Variants in CA12 observed in about 807,000 individuals in gnomAD.
CA12 encodes carbonic anhydrase 12, also known as carbonate dehydratase XII.
A neutral mutation model predicts 46.8 loss-of-function variants in CA12; 36 were observed. The observed-to-expected ratio is 0.77, with a 90% CI of 0.59 to 1.02. CA12 has a LOEUF of 1.02. Ranked by LOEUF, CA12 falls within the 50% of genes least tolerant of loss-of-function variation. CA12 has a pLI of 0.00. For missense variants in CA12, 436 were observed against 451.4 expected, an observed-to-expected ratio of 0.97 and a Z score of 0.31; for synonymous variants, 202 against 187.0, an observed-to-expected ratio of 1.08 and a Z score of -0.65.
chr15:63,332,516 C>A (rs1442038239), intron 8 of CA12, among the ~76,000 whole-genome samples: 1 of 152,218 alleles, frequency 6.6e-6, no homozygotes, highest in East Asian at 1.9e-4. Context: ...TGGTGCTTGG[C>A]ACTCTAAGCT....
rs530996687 is a variant in CA12 at position 63,329,809 on chromosome 15, G to A, written c.875-1679C>T. On this transcript the variant is annotated intron_variant, in intron 8 of 10. Coordinates refer to ENST00000178638, the MANE Select transcript of CA12 (RefSeq NM_001218.5). This position sits in a 1 kb window ranked among gnomAD's most constrained non-coding sequence, Gnocchi z 4.8. ...CTGGGGAACCAGATCTGAGGCTGCA[G>A]GGTGAGGTTTTGCTCACTGCCCCTT... is the stretch of plus-strand genomic sequence containing the variant. Among the ~76,000 whole-genome samples, 2 of 152,330 alleles carry A rather than the reference G, an allele frequency of 1.3e-5. No homozygotes were observed. Among genetic ancestry groups the A allele is most frequent in the Non-Finnish European group, 2.9e-5 (2 of 68,018 alleles).
At chr15:63,361,851 T>C (rs1052966361) in intron 2 of CA12, among the ~76,000 whole-genome samples, 1 of 152,168 alleles carries the variant, frequency 6.6e-6, no homozygotes, top group African/African-American at 2.4e-5. Flanking sequence ...CACAAACAGC[T>C]GTGTTAGATG....
At chr15:63,350,476 G>T (rs56410857) in intron 2 of CA12, among the ~76,000 whole-genome samples, 2,282 of 152,196 alleles carry the variant, frequency 0.015, 52 homozygotes, top group African/African-American at 0.052. Context: ...TTTTGACTTC[G>T]CCTCTCCAGT....
In CA12 at chr15:63,330,138, C is replaced by A. The variant is rs1413007254; in HGVS notation, c.875-2008G>T. Reference sequence around the variant, plus strand: ...GTGGCTCCACTGGCCAGACTCCCTGCCCCAGGCCTCTTCGTGTAACCTGAA... The same window carrying A: ...GTGGCTCCACTGGCCAGACTCCCTGACCCAGGCCTCTTCGTGTAACCTGAA... On this transcript the variant is annotated intron_variant, in intron 8 of 10. Coordinates refer to ENST00000178638, the MANE Select transcript of CA12 (RefSeq NM_001218.5). This position sits in a 1 kb window ranked among gnomAD's most constrained non-coding sequence, Gnocchi z 4.0. Among the ~76,000 whole-genome samples the A allele has an allele frequency of 7.2e-5, 11 of 152,228 alleles. No individual in the cohort carries two copies. The highest frequency in any genetic ancestry group is 7.2e-4 in the Admixed American group (11 of 15,290).
intron 2 of CA12, among the ~76,000 whole-genome samples, chr15:63,353,926 A>G (rs1334758962): frequency 6.6e-6 from 1 of 152,170 alleles, no homozygotes; most frequent in Non-Finnish European, 1.5e-5. Flanking sequence ...TAAAATATCT[A>G]TGTCTTCTCA....
chr15:63,354,197 TAG>T (rs2039267549), intron 2 of CA12, among the ~76,000 whole-genome samples: 1 of 152,186 alleles, frequency 6.6e-6, no homozygotes, highest in African/African-American at 2.4e-5. Context: ...AAACTAGCGT[TAG>T]AGTTTTCCTT....
chr15:63,338,697 C>T, intron 8 of CA12, 122 bp downstream of exon 8: 2 of 1,330,814 alleles, frequency 1.5e-6, no homozygotes, highest in Admixed American at 1.7e-5. Flanking sequence ...GTTCCCGTGG[C>T]AGCCAGGGAG....
intron 7 of CA12, 29 bp from the exon 8 acceptor site, chr15:63,338,974 G>A: frequency 6.2e-7 from 1 of 1,613,930 alleles, no homozygotes; most frequent in East Asian, 2.2e-5. Flanking sequence ...ATAGCCCGCA[G>A]GCAGAATGAC....
In CA12 at chr15:63,371,872, T is replaced by G. The variant is rs1030893905; in HGVS notation, c.106+3786A>C. Among the ~76,000 whole-genome samples the G allele has an allele frequency of 5.9e-5, 9 of 152,104 alleles. No individual in the cohort carries two copies. In the South Asian group the frequency reaches 1.4e-3, roughly 24 times the overall value. ...TTTTGTTTTTGGGTTTTTTGTTTTG[T>G]TTTGGTTTGGTTTGGTTTTTTCTTG... On this transcript the variant is annotated intron_variant, in intron 2 of 10. Transcript: ENST00000178638.
At chr15:63,336,107 C>T (rs1595777107) in intron 8 of CA12, among the ~76,000 whole-genome samples, 1 of 152,228 alleles carries the variant, frequency 6.6e-6, no homozygotes, top group Admixed American at 6.5e-5. Flanking sequence ...CTTGTGGAAG[C>T]ACCAGCTCTG....
chr15:63,344,846 A>C (rs1284580219), intron 4 of CA12, among the ~76,000 whole-genome samples: 1 of 152,000 alleles, frequency 6.6e-6, no homozygotes, highest in African/African-American at 2.4e-5. Flanking sequence ...CCCGTCTTCT[A>C]ATTTTCTTTT....
rs1049739702 is a variant in CA12, at chr15:63,328,010, A to T, written c.907+88T>A. 8.0e-7 allele frequency: 1 copy of T among 1,254,590 alleles called. No homozygotes were observed. The highest frequency in any genetic ancestry group is 1.7e-5 in the Admixed American group (1 of 59,238). The allele number at this position is 1,254,590 out of a possible 1,614,324, so 77.7% of individuals were successfully genotyped here. ...GCCAGGAGCCAGAGCAATAGTACAG[A>T]GAAGCAGAGAGGACGGGCTTGGATC... On this transcript the variant is annotated intron_variant, in intron 9 of 10. Transcript: ENST00000178638. This position sits in a 1 kb window ranked among gnomAD's most constrained non-coding sequence, Gnocchi z 5.9.
chr15:63,366,131 A>G (rs2039432300), intron 2 of CA12, among the ~76,000 whole-genome samples: 1 of 98,542 alleles, frequency 1.0e-5, no homozygotes, highest in Non-Finnish European at 2.2e-5. Flanking sequence ...ACAGAGCGAG[A>G]CTATCTCAAA....
intron 4 of CA12, among the ~76,000 whole-genome samples, chr15:63,343,340 G>A (rs957109026): frequency 2.1e-5 from 3 of 144,040 alleles, no homozygotes; most frequent in African/African-American, 7.8e-5. Context: ...GGAGTGCAAT[G>A]GCGTGATCTT....
chr15:63,366,980 G>C (rs565723780), intron 2 of CA12, among the ~76,000 whole-genome samples: 13 of 152,270 alleles, frequency 8.5e-5, no homozygotes, highest in Admixed American at 6.5e-4. Context: ...GGAGTGCAGT[G>C]GTATGATCTT....
chr15:63,347,009 T>C (rs1024766174), intron 2 of CA12, among the ~76,000 whole-genome samples: 1 of 152,210 alleles, frequency 6.6e-6, no homozygotes, highest in Non-Finnish European at 1.5e-5. Flanking sequence ...CAAGACCTGT[T>C]GACTTTCAGC....
At chr15:63,338,718 ACTT>A (rs2039035198) in intron 8 of CA12, 98 bp downstream of exon 8, 1 of 1,533,104 alleles carries the variant, frequency 6.5e-7, no homozygotes. Flanking sequence ...CTCTCAGCCA[ACTT>A]CTTGAGGGCA....
intron 8 of CA12, among the ~76,000 whole-genome samples, chr15:63,335,070 GA>G (rs1343773458): frequency 6.6e-6 from 1 of 152,204 alleles, no homozygotes; most frequent in Non-Finnish European, 1.5e-5. Context: ...TCCATCAGGG[GA>G]AAACTTGCCC....
intron 1 of CA12, 137 bp downstream of exon 1, chr15:63,381,499 T>A: frequency 2.7e-6 from 2 of 750,412 alleles, no homozygotes; most frequent in Admixed American, 4.5e-5. Flanking sequence ...GAGCATCCTT[T>A]CTTGAGAATC....
Sources: gnomAD v4.1 joint callset for allele counts (sites outside exome capture counted in the v4.1 genomes callset) on GRCh38, gnomAD v4.1.1 for gene constraint, Gnocchi (gnomAD v3.1) non-coding constraint, MANE v1.5 for transcripts, NCBI Gene and HGNC (gene_info 2026-07-23, HGNC 2026-07-21) for gene names.